The following TRAPPC9 variants were observed in gnomAD, a reference collection of about 807,000 sequenced individuals.
TRAPPC9 encodes the protein trafficking protein particle complex subunit 9.
A neutral mutation model predicts 124.0 loss-of-function variants in TRAPPC9; 83 were observed. That is an observed-to-expected ratio of 0.67 (90% confidence interval 0.56 to 0.80). The LOEUF (loss-of-function observed/expected upper bound fraction) is 0.80. Among genes scored for constraint, TRAPPC9 ranks in the 30% least tolerant of loss-of-function variants. The pLI, the probability that TRAPPC9 is intolerant of heterozygous loss-of-function variation, is 0.00. For synonymous variants in TRAPPC9, 638 were observed against 617.5 expected (o/e 1.03, Z -0.49); for missense variants, 1,302 against 1,508.3 (o/e 0.86, Z 2.27).
chr8:139,948,668 G>T (rs984112811), intron 19 of TRAPPC9, among the ~76,000 whole-genome samples: 3 of 152,150 alleles, frequency 2.0e-5, no homozygotes, highest in Non-Finnish European at 4.4e-5. Context: ...CGGCAACCCT[G>T]ATCTGGCCAC....
rs555020286 is a variant in TRAPPC9, at chr8:139,930,350, G to A, written c.2811-20050C>T. ...TACAGCCAAGGTGAGCAGTGGCAAG[G>A]CCAGCGCGCTCACACAACACGGTTC... On this transcript the variant is annotated intron_variant, in intron 19 of 22. Coordinates refer to ENST00000438773, the MANE Select transcript of TRAPPC9 (RefSeq NM_001160372.4). Among the ~76,000 whole-genome samples the A allele has an allele frequency of 2.6e-5, 4 of 152,332 alleles. No homozygotes were observed. The South Asian group carries it at 8.3e-4, about 32-fold the overall frequency.
At chr8:140,126,029 C>A (rs1209288673) in intron 17 of TRAPPC9, among the ~76,000 whole-genome samples, 1 of 152,098 alleles carries the variant, frequency 6.6e-6, no homozygotes, top group East Asian at 1.9e-4. Context: ...GCCTCGGCCT[C>A]CCAAAGTGCT....
In TRAPPC9 at chr8:140,256,643, G is replaced by A. The variant is rs140973325; in HGVS notation, c.2279-3714C>T. 1.2e-4 allele frequency among the ~76,000 whole-genome samples: 19 copies of A among 152,214 alleles called. No homozygotes were observed. In the East Asian group the frequency reaches 2.9e-3, roughly 23 times the overall value. On this transcript the variant is annotated intron_variant, in intron 15 of 22. Transcript: ENST00000438773. Reference sequence around the variant, plus strand: ...TCCACTGTGCTCTTCTGTAGGTGCCGACACATCTGTGGGCAGCTGCAGAAG... The same window carrying A: ...TCCACTGTGCTCTTCTGTAGGTGCCAACACATCTGTGGGCAGCTGCAGAAG...
intron 17 of TRAPPC9, among the ~76,000 whole-genome samples, chr8:140,159,383 T>G (rs2061707326): frequency 6.6e-6 from 1 of 152,054 alleles, no homozygotes; most frequent in East Asian, 1.9e-4. Context: ...GAGGTAATTG[T>G]TGAATTATTG....
intron 21 of TRAPPC9, among the ~76,000 whole-genome samples, chr8:139,771,524 G>C (rs1820959768): frequency 6.6e-6 from 1 of 152,166 alleles, no homozygotes. Context: ...CTTGGGGTAG[G>C]TTTTGAAATA....
At chr8:140,264,946 C>T (rs72688878) in intron 15 of TRAPPC9, among the ~76,000 whole-genome samples, 28,159 of 152,102 alleles carry the variant, frequency 0.19, 2,696 homozygotes, top group Admixed American at 0.22. Flanking sequence ...ACCAAGCCTC[C>T]AGCACTCAGT....
intron 18 of TRAPPC9, among the ~76,000 whole-genome samples, chr8:139,992,621 G>C (rs890426574): frequency 6.6e-6 from 1 of 150,380 alleles, no homozygotes. Context: ...AAACAATGAT[G>C]TGGGAGGTTT....
At chr8:140,279,352 C>T (rs374419342) in intron 14 of TRAPPC9, among the ~76,000 whole-genome samples, 49 of 152,038 alleles carry the variant, frequency 3.2e-4, no homozygotes, top group African/African-American at 1.0e-3. Flanking sequence ...TGGTAGGTGT[C>T]GATAAACGTT....
At chr8:140,079,613 C>CA (rs1439830377) in intron 17 of TRAPPC9, among the ~76,000 whole-genome samples, 1 of 152,164 alleles carries the variant, frequency 6.6e-6, no homozygotes, top group African/African-American at 2.4e-5. Flanking sequence ...ACACTGGCAA[C>CA]AAAAACGTCT....
At chr8:140,399,506 G>A (rs1040872656) in intron 6 of TRAPPC9, among the ~76,000 whole-genome samples, 7 of 152,234 alleles carry the variant, frequency 4.6e-5, no homozygotes, top group Admixed American at 3.9e-4. Flanking sequence ...TGGAATCAAA[G>A]GAGATCATTT....
At chr8:139,773,006 C>A (rs1294744539) in intron 21 of TRAPPC9, among the ~76,000 whole-genome samples, 2 of 152,254 alleles carry the variant, frequency 1.3e-5, no homozygotes, top group Non-Finnish European at 2.9e-5. Flanking sequence ...GCTGAGGTCA[C>A]TGTGTTCCTT....
chr8:140,316,134 C>T (rs4736031), intron 9 of TRAPPC9, among the ~76,000 whole-genome samples: 99,164 of 151,820 alleles, frequency 0.65, 32,792 homozygotes, highest in African/African-American at 0.78. Flanking sequence ...ACTTTGGAGA[C>T]TGTGACATCA....
chr8:140,284,045 C>T, intron 13 of TRAPPC9, 24 bp from the exon 14 acceptor site: 6 of 1,613,684 alleles, frequency 3.7e-6, no homozygotes, highest in Non-Finnish European at 3.4e-6. Flanking sequence ...GGAACTTCTT[C>T]ACTCCACTGG....
chr8:139,934,787 G>A (rs926962217), intron 19 of TRAPPC9, among the ~76,000 whole-genome samples: 1 of 152,140 alleles, frequency 6.6e-6, no homozygotes, highest in African/African-American at 2.4e-5. Context: ...CTCAGATAGG[G>A]GACATGGCTC....
chr8:140,272,745 G>T (rs892762926), intron 15 of TRAPPC9, among the ~76,000 whole-genome samples: 3 of 151,860 alleles, frequency 2.0e-5, no homozygotes, highest in Non-Finnish European at 4.4e-5. Context: ...GAGGGGAGGA[G>T]GCACCAGGCT....
At chr8:139,912,986 T>A (rs1831849092) in intron 19 of TRAPPC9, among the ~76,000 whole-genome samples, 1 of 152,166 alleles carries the variant, frequency 6.6e-6, no homozygotes, top group African/African-American at 2.4e-5. Context: ...AACTAATAAC[T>A]TTCACCTCTC....
intron 6 of TRAPPC9, among the ~76,000 whole-genome samples, chr8:140,404,780 G>A (rs1051130452): frequency 2.0e-5 from 3 of 151,798 alleles, no homozygotes; most frequent in Non-Finnish European, 2.9e-5. Flanking sequence ...GCGTGTGTGA[G>A]CATGCTTGTA....
Position 140,257,419 on chromosome 8 carries a change from C to T in TRAPPC9, c.2279-4490G>A, listed in dbSNP as rs1219703650. Among the ~76,000 whole-genome samples the T allele has an allele frequency of 1.3e-5, 2 of 152,178 alleles. No homozygotes were observed. Among genetic ancestry groups the T allele is most frequent in the Non-Finnish European group, 2.9e-5 (2 of 68,030 alleles). ...CTTCTACTTCTCCTCCAATGGCACT[C>T]GGAGGTGCCATCCTGACGACACTAC... On this transcript the variant is annotated intron_variant, in intron 15 of 22. Coordinates refer to ENST00000438773, the MANE Select transcript of TRAPPC9 (RefSeq NM_001160372.4). The surrounding 1 kb of genome is among the most constrained non-coding windows in gnomAD (Gnocchi z 4.6).
intron 17 of TRAPPC9, among the ~76,000 whole-genome samples, chr8:140,151,133 G>A (rs1172503469): frequency 1.3e-5 from 2 of 152,134 alleles, no homozygotes; most frequent in African/African-American, 4.8e-5. Context: ...AACGAGGGAA[G>A]GTATCTGACA....
Sources: allele counts gnomAD v4.1 joint callset (sites outside exome capture counted in the v4.1 genomes callset), GRCh38; gene constraint gnomAD v4.1.1; non-coding constraint Gnocchi (gnomAD v3.1); transcripts MANE v1.5; gene names NCBI Gene and HGNC (gene_info 2026-07-23, HGNC 2026-07-21).